HAS3: variants seen among roughly 807,000 people sequenced by gnomAD.
HAS3 encodes HA synthase 3.
In HAS3, 27 loss-of-function variants were observed where a neutral mutation model predicts 50.3. The ratio of observed to expected loss-of-function variants is 0.54; its 90% CI spans 0.40 to 0.74. The LOEUF (loss-of-function observed/expected upper bound fraction) is 0.74. Ranked by LOEUF, HAS3 falls within the 30% of genes least tolerant of loss-of-function variation. HAS3 has a pLI of 0.00. For missense variants in HAS3, 517 were observed against 742.8 expected (o/e 0.70, Z 3.53); for synonymous variants, 339 against 310.9 (o/e 1.09, Z -0.95).
chr16:69,094,842 C>T, the HAS3 span, among the ~76,000 whole-genome samples: 2 of 152,120 alleles, frequency 1.3e-5, no homozygotes, highest in East Asian at 1.9e-4. Context: ...TCGGAGAGAC[C>T]TGGGGACTCA....
rs535370038 is a variant in HAS3, at chr16:69,112,712, TAG to T, written c.637-728_637-727del. Among the ~76,000 whole-genome samples, 685 of 152,318 alleles carry T rather than the reference TAG, an allele frequency of 4.5e-3. 9 individuals carry two copies. Among genetic ancestry groups the T allele is most frequent in the Non-Finnish European group, 6.2e-3 (424 of 68,024 alleles). ...AAAAGGAGTCAGCCACTAGGGCAAC[TAG>T]TGGCCTGGGTTCAACTCATAATGAG... On this transcript the variant is annotated intron_variant, in intron 2 of 3. Transcript: ENST00000569188.
the HAS3 span, among the ~76,000 whole-genome samples, chr16:69,092,600 CAAA>C: frequency 2.5e-4 from 25 of 99,358 alleles, no homozygotes; most frequent in African/African-American, 4.6e-4. Flanking sequence ...AACTCCGTCT[CAAA>C]AAAAAAAAAA....
At chr16:69,110,194 G>GT (rs1960953846) in intron 2 of HAS3, among the ~76,000 whole-genome samples, 163 bp downstream of exon 2, 1 of 152,208 alleles carries the variant, frequency 6.6e-6, no homozygotes, top group Non-Finnish European at 1.5e-5. Flanking sequence ...GCTCACGCCT[G>GT]TAATCCCAAC....
Position 69,109,701 on chromosome 16 carries a change from C to G in HAS3, c.306C>G (p.Arg102=). 1.2e-6 allele frequency: 2 copies of G among 1,610,620 alleles called. No homozygotes were observed. Among genetic ancestry groups the G allele is most frequent in the Non-Finnish European group, 1.7e-6 (2 of 1,179,924 alleles). ...AAYQEDPDYL[R]KCLRSAQRIS... Reference sequence around the variant, plus strand: ...ACCAGGAGGACCCTGACTACTTGCGCAAGTGCCTGCGCTCGGCCCAGCGCA... The same window carrying G: ...ACCAGGAGGACCCTGACTACTTGCGGAAGTGCCTGCGCTCGGCCCAGCGCA... Residue 102 remains arginine, a synonymous_variant, in exon 2 of 4, where the codon CGC becomes CGG. Transcript: ENST00000569188. This position sits in a 1 kb window ranked among gnomAD's most constrained non-coding sequence, Gnocchi z 5.3.
At position 69,116,403 on chromosome 16, in the gene HAS3, T is replaced by G; in HGVS notation, c.*1137T>G. ...ACAATCTTGGAGCTGCTTGGACGGA[T>G]TCCTTGGCAGCCGGGTTAGCATGTG... On this transcript the variant is annotated 3_prime_UTR_variant, in exon 4 of 4. Transcript: ENST00000569188. 1 of 985,810 alleles carries G rather than the reference T, an allele frequency of 1.0e-6. No individual in the cohort carries two copies. Among genetic ancestry groups the G allele is most frequent in the Non-Finnish European group, 1.2e-6 (1 of 829,844 alleles). 61.1% of individuals were successfully genotyped at this position (985,810 alleles called of 1,614,324 possible). A position where few individuals can be genotyped will look rare whatever the true frequency, so the allele number is the denominator to read the frequency against.
At chr16:69,113,669 T>C (rs766278819) in intron 3 of HAS3, 127 bp downstream of exon 3, 10 of 614,548 alleles carry the variant, frequency 1.6e-5, no homozygotes, top group Non-Finnish European at 2.9e-5. Context: ...CTGGCAGTTT[T>C]CACTGACACC....
the HAS3 span, chr16:69,084,267 A>C: frequency 1.8e-4 from 27 of 152,440 alleles, no homozygotes; most frequent in Admixed American, 1.7e-3. Context: ...TGTGGAGTTG[A>C]AGAGGCTCTG....
downstream of HAS3, chr16:69,117,697 C>G (rs575509303): frequency 3.2e-6 from 3 of 949,834 alleles, no homozygotes; most frequent in Admixed American, 1.9e-4. Context: ...TGAAAGCTAG[C>G]TCTTTATTCC....
chr16:69,112,480 G>C (rs764194374), intron 2 of HAS3, among the ~76,000 whole-genome samples: 51 of 152,232 alleles, frequency 3.4e-4, no homozygotes, highest in Non-Finnish European at 1.5e-4. Context: ...TGTGGTGTCA[G>C]AGGCAGCCTC....
chr16:69,117,636 T>TAAAG lies in HAS3; in HGVS notation c.*2372_*2375dup, dbSNP rs1461916290. 3.2e-6 allele frequency: 3 copies of TAAAG among 931,778 alleles called. No homozygotes were observed. The highest frequency in any genetic ancestry group is 1.8e-5 in the African/African-American group (1 of 55,918). The allele number at this position is 931,778 out of a possible 1,614,324, so 57.7% of individuals were successfully genotyped here. On this transcript the variant is annotated 3_prime_UTR_variant, in exon 4 of 4. Transcript: ENST00000569188. ...TTTATACTGCACTTATTTGTCAAAATAAAGATTCTCACATATGCCGGTTAT... is the reference window on the plus strand; with the variant it reads ...TTTATACTGCACTTATTTGTCAAAATAAAGAAAGATTCTCACATATGCCGGTTAT...
chr16:69,107,352 A>T lies in HAS3; in HGVS notation c.-1+1565A>T. 6 of 983,852 alleles carry T rather than the reference A, an allele frequency of 6.1e-6. No individual in the cohort carries two copies. Among genetic ancestry groups the T allele is most frequent in the Non-Finnish European group, 7.2e-6 (6 of 828,578 alleles). 60.9% of individuals were successfully genotyped at this position (983,852 alleles called of 1,614,324 possible). A position where few individuals can be genotyped will look rare whatever the true frequency, so the allele number is the denominator to read the frequency against. On this transcript the variant is annotated intron_variant, in intron 1 of 3. Coordinates refer to ENST00000569188, the MANE Select transcript of HAS3 (RefSeq NM_001199280.2). The surrounding 1 kb of genome is among the most constrained non-coding windows in gnomAD (Gnocchi z 5.5). ...AAGGAGAGGGCCGGCTACACCGGGG[A>T]TGCGCCTTTGTCTACAGGCACACTT...
At position 69,117,253 on chromosome 16, in the gene HAS3, T is replaced by A; in HGVS notation, c.*1987T>A. 1 of 985,734 alleles carries A rather than the reference T, an allele frequency of 1.0e-6. No individual in the cohort carries two copies. The highest frequency in any genetic ancestry group is 1.2e-6 in the Non-Finnish European group (1 of 829,780). The allele number at this position is 985,734 out of a possible 1,614,324, so 61.1% of individuals were successfully genotyped here. A position where few individuals can be genotyped will look rare whatever the true frequency, so the allele number is the denominator to read the frequency against. On this transcript the variant is annotated 3_prime_UTR_variant, in exon 4 of 4. Coordinates refer to ENST00000569188, the MANE Select transcript of HAS3 (RefSeq NM_001199280.2). The stretch of plus-strand genomic sequence containing the variant: ...GGGCTTGTTTTTCTTCAGCATTTAC[T>A]TGAAGATTAATGTAGGATGACAGGC...
rs1358617933 is a variant in HAS3, at chr16:69,106,293, C to T, written c.-1+506C>T. The stretch of plus-strand genomic sequence containing the variant: ...GAGCCGCCGCGGGCCTGCTGAGCTC[C>T]GGAGCGCGGCAGCCGGCGGCACGGT... On this transcript the variant is annotated intron_variant, in intron 1 of 3. Coordinates refer to ENST00000569188, the MANE Select transcript of HAS3 (RefSeq NM_001199280.2). This position sits in a 1 kb window ranked among gnomAD's most constrained non-coding sequence, Gnocchi z 5.5. 1 of 149,672 alleles carries T rather than the reference C, an allele frequency of 6.7e-6. No homozygotes were observed. Among genetic ancestry groups the T allele is most frequent in the Non-Finnish European group, 1.5e-5 (1 of 67,238 alleles). 9.3% of individuals were successfully genotyped at this position (149,672 alleles called of 1,614,324 possible).
At chr16:69,099,993 G>A in the HAS3 span, among the ~76,000 whole-genome samples, 2,210 of 152,202 alleles carry the variant, frequency 0.015, 56 homozygotes, top group African/African-American at 0.05. Context: ...AAAGAACCTG[G>A]CCCCTTAGCA....
intron 2 of HAS3, among the ~76,000 whole-genome samples, chr16:69,111,776 A>C (rs1367365166): frequency 1.3e-5 from 2 of 152,108 alleles, no homozygotes; most frequent in African/African-American, 4.8e-5. Context: ...TGGGGACCCA[A>C]ATGCTTAGGG....
At chr16:69,112,443 T>C (rs1961037704) in intron 2 of HAS3, among the ~76,000 whole-genome samples, 1 of 152,194 alleles carries the variant, frequency 6.6e-6, no homozygotes, top group African/African-American at 2.4e-5. Context: ...CACCCTGTCT[T>C]CCAACATAGA....
chr16:69,107,634 C>G lies in HAS3; in HGVS notation c.1-1762C>G. On this transcript the variant is annotated intron_variant, in intron 1 of 3. Transcript: ENST00000569188. The surrounding 1 kb of genome is among the most constrained non-coding windows in gnomAD (Gnocchi z 5.5). ...GCCCAGGTTGCTGGGCTGGCCTTGG[C>G]GCCCCCTTCCCCTACCCAGAGCGCA... 2.0e-6 allele frequency: 2 copies of G among 985,514 alleles called. No homozygotes were observed. Among genetic ancestry groups the G allele is most frequent in the Non-Finnish European group, 2.4e-6 (2 of 829,984 alleles). The allele number at this position is 985,514 out of a possible 1,614,324, so 61.0% of individuals were successfully genotyped here.
At chr16:69,085,787 C>G in the HAS3 span, among the ~76,000 whole-genome samples, 1 of 149,308 alleles carries the variant, frequency 6.7e-6, no homozygotes, top group Admixed American at 6.7e-5. Flanking sequence ...CCATATTGGC[C>G]AGGCTGATCT....
At chr16:69,118,457 C>G (rs1961335737), downstream of HAS3, 31 of 1,592,642 alleles carry the variant, frequency 1.9e-5, no homozygotes, top group Non-Finnish European at 2.6e-5. Context: ...TTCTAGAGAG[C>G]AGTGAGCTGA....
Sources: allele counts gnomAD v4.1 joint callset (sites outside exome capture counted in the v4.1 genomes callset), GRCh38; gene constraint gnomAD v4.1.1; non-coding constraint Gnocchi (gnomAD v3.1); transcripts MANE v1.5; gene names NCBI Gene and HGNC (gene_info 2026-07-23, HGNC 2026-07-21).